The following PCSK5 variants were observed in gnomAD, a reference collection of about 807,000 sequenced individuals.
The protein encoded by PCSK5 is prohormone convertase 5.
A neutral mutation model predicts 233.2 loss-of-function variants in PCSK5; 129 were observed. The observed-to-expected ratio is 0.55, with a 90% CI of 0.48 to 0.64. The LOEUF is 0.64. Ranked by LOEUF, PCSK5 falls within the 30% of genes least tolerant of loss-of-function variation. The pLI is 0.00. For missense variants in PCSK5, 2,076 were observed against 2,430.1 expected, an observed-to-expected ratio of 0.85 and a Z score of 3.06; for synonymous variants, 825 against 879.2, an observed-to-expected ratio of 0.94 and a Z score of 1.09.
chr9:76,315,928 GTTTTTTTTTT>G (rs71499141), intron 30 of PCSK5, among the ~76,000 whole-genome samples: 9 of 91,796 alleles, frequency 9.8e-5, no homozygotes, highest in East Asian at 3.8e-4. Flanking sequence ...CACTTCAAGG[GTTTTTTTTTT>G]TTTTTTTTTT....
chr9:76,270,606 C>T (rs988120834), intron 24 of PCSK5, among the ~76,000 whole-genome samples: 2 of 152,090 alleles, frequency 1.3e-5, no homozygotes, highest in African/African-American at 4.8e-5. Flanking sequence ...ATGGAGAACT[C>T]TTAGTTGAAT....
At chr9:76,031,813 ATATC>A (rs1828663772) in intron 5 of PCSK5, among the ~76,000 whole-genome samples, 1 of 152,246 alleles carries the variant, frequency 6.6e-6, no homozygotes, top group African/African-American at 2.4e-5. Flanking sequence ...TTCTATTCAT[ATATC>A]TAATTCTTGA....
chr9:76,236,641 G>A (rs1001415753), intron 22 of PCSK5, among the ~76,000 whole-genome samples: 2 of 152,150 alleles, frequency 1.3e-5, no homozygotes, highest in Non-Finnish European at 1.5e-5. Context: ...AAATCTGACC[G>A]AATCTTGACA....
chr9:76,257,213 A>AC (rs996884181), intron 24 of PCSK5, among the ~76,000 whole-genome samples: 4 of 150,966 alleles, frequency 2.6e-5, no homozygotes, highest in Middle Eastern at 3.2e-3. Flanking sequence ...TCCTCATCTC[A>AC]CCCCCCAACT....
At chr9:76,348,832 A>T (rs960402009) in intron 35 of PCSK5, among the ~76,000 whole-genome samples, 6 of 151,156 alleles carry the variant, frequency 4.0e-5, no homozygotes, top group African/African-American at 1.5e-4. Context: ...GGTAACCACC[A>T]TTCTACTCTT....
chr9:76,256,532 A>C (rs1826988012), intron 24 of PCSK5, among the ~76,000 whole-genome samples: 1 of 152,200 alleles, frequency 6.6e-6, no homozygotes, highest in Admixed American at 6.5e-5. Context: ...AGCTGGAGGG[A>C]TGGATTCACC....
intron 20 of PCSK5, among the ~76,000 whole-genome samples, chr9:76,202,750 T>G (rs996726039): frequency 5.3e-5 from 8 of 152,194 alleles, no homozygotes; most frequent in African/African-American, 1.7e-4. Context: ...ATCTCCTTAG[T>G]GTAAGCTTTC....
chr9:76,215,491 C>T, intron 20 of PCSK5, among the ~76,000 whole-genome samples: 1 of 152,330 alleles, frequency 6.6e-6, no homozygotes, highest in Non-Finnish European at 1.5e-5. Flanking sequence ...GGGGCCCAGA[C>T]TTGTTTCACT....
At chr9:76,187,342 G>T (rs1824152920) in intron 17 of PCSK5, among the ~76,000 whole-genome samples, 1 of 151,962 alleles carries the variant, frequency 6.6e-6, no homozygotes, top group South Asian at 2.1e-4. Context: ...TAGTTATTCA[G>T]TGAATAATAT....
At chr9:76,155,176 A>C (rs1358518389) in intron 10 of PCSK5, among the ~76,000 whole-genome samples, 2 of 152,196 alleles carry the variant, frequency 1.3e-5, no homozygotes, top group African/African-American at 4.8e-5. Context: ...TAAGTACCTG[A>C]TATTAAAGTA....
chr9:75,937,582 G>A (rs981780227), intron 2 of PCSK5, among the ~76,000 whole-genome samples: 1 of 152,160 alleles, frequency 6.6e-6, no homozygotes, highest in Non-Finnish European at 1.5e-5. Flanking sequence ...TAACACGAGA[G>A]GTATCCTATC....
At chr9:76,146,524 G>A (rs1028349305) in intron 10 of PCSK5, among the ~76,000 whole-genome samples, 3 of 105,702 alleles carry the variant, frequency 2.8e-5, no homozygotes, top group Non-Finnish European at 4.0e-5. Flanking sequence ...ATATATACAT[G>A]TATGTATATA....
intron 32 of PCSK5, among the ~76,000 whole-genome samples, chr9:76,326,413 A>C (rs1829360824): frequency 6.6e-6 from 1 of 152,024 alleles, no homozygotes; most frequent in Non-Finnish European, 1.5e-5. Context: ...ATCTGTAAGC[A>C]GGATCTTCTC....
chr9:76,015,459 A>G (rs1280319711), intron 3 of PCSK5, among the ~76,000 whole-genome samples: 1 of 152,228 alleles, frequency 6.6e-6, no homozygotes, highest in Non-Finnish European at 1.5e-5. Flanking sequence ...ATATTGATTT[A>G]TGAATGATTA....
chr9:76,089,014 A>G (rs140255195), intron 7 of PCSK5, among the ~76,000 whole-genome samples: 4 of 151,780 alleles, frequency 2.6e-5, no homozygotes, highest in African/African-American at 9.7e-5. Context: ...ATAAAGCAAC[A>G]AGATTTATTT....
intron 1 of PCSK5, among the ~76,000 whole-genome samples, chr9:75,902,075 G>A (rs1408050549): frequency 1.3e-5 from 2 of 151,906 alleles, no homozygotes; most frequent in Admixed American, 6.6e-5. Context: ...AATTAGCGGG[G>A]TGTGGTGTCG....
At chr9:76,124,781 G>A (rs1018320019) in intron 9 of PCSK5, among the ~76,000 whole-genome samples, 9 of 147,866 alleles carry the variant, frequency 6.1e-5, no homozygotes, top group East Asian at 3.9e-4. Flanking sequence ...GCAAGAAGTC[G>A]TCACATTTGT....
chr9:76,025,276 G>T (rs548200528), intron 4 of PCSK5, among the ~76,000 whole-genome samples: 1 of 152,232 alleles, frequency 6.6e-6, no homozygotes, highest in South Asian at 2.1e-4. Context: ...GCTAGGTGCA[G>T]TGGCTCACAC....
intron 1 of PCSK5, among the ~76,000 whole-genome samples, chr9:75,904,932 G>T (rs79592467): frequency 0.063 from 9,518 of 152,170 alleles, 302 homozygotes; most frequent in Middle Eastern, 0.11. Flanking sequence ...ATACAATTTG[G>T]TGTATTCATA....
Sources: allele counts gnomAD v4.1 joint callset (sites outside exome capture counted in the v4.1 genomes callset), GRCh38; gene constraint gnomAD v4.1.1; transcripts MANE v1.5; gene names NCBI Gene and HGNC (gene_info 2026-07-23, HGNC 2026-07-21).